LRMDA: variants seen among roughly 807,000 people sequenced by gnomAD.
LRMDA encodes leucine-rich melanocyte differentiation-associated protein.
A neutral mutation model predicts 29.8 loss-of-function variants in LRMDA; 18 were observed. The ratio of observed to expected loss-of-function variants is 0.60; its 90% CI spans 0.42 to 0.90. LRMDA has a LOEUF of 0.90. Ranked by LOEUF, LRMDA falls within the 40% of genes least tolerant of loss-of-function variation. The pLI, the probability that LRMDA is intolerant of heterozygous loss-of-function variation, is 0.00. For synonymous variants in LRMDA, 125 were observed against 109.4 expected (o/e 1.14, Z -0.89); for missense variants, 273 against 273.9 (o/e 1.00, Z 0.02).
chr10:75,679,384 G>A (rs920823753), intron 2 of LRMDA, among the ~76,000 whole-genome samples: 9 of 152,126 alleles, frequency 5.9e-5, no homozygotes, highest in African/African-American at 2.2e-4. Context: ...TTGAGGCTTA[G>A]AGAGTTTGAA....
chr10:76,373,662 GT>G (rs1024768094), intron 6 of LRMDA, among the ~76,000 whole-genome samples: 5 of 151,390 alleles, frequency 3.3e-5, no homozygotes, highest in Admixed American at 6.6e-5. Flanking sequence ...TTCCTAGACA[GT>G]TTTTTTTTAT....
chr10:75,689,240 C>T (rs1842117079), intron 2 of LRMDA, among the ~76,000 whole-genome samples: 1 of 152,350 alleles, frequency 6.6e-6, no homozygotes, highest in African/African-American at 2.4e-5. Context: ...CTTCCAACGG[C>T]ACATCGGATC....
chr10:75,649,354 G>T (rs1841568645), intron 2 of LRMDA, among the ~76,000 whole-genome samples: 1 of 152,180 alleles, frequency 6.6e-6, no homozygotes, highest in Non-Finnish European at 1.5e-5. Context: ...CTATCCATCA[G>T]TGAACAGTTG....
intron 2 of LRMDA, among the ~76,000 whole-genome samples, chr10:75,797,093 G>A (rs1196518403): frequency 6.6e-6 from 1 of 151,968 alleles, no homozygotes; most frequent in Non-Finnish European, 1.5e-5. Context: ...AACCCTTTGG[G>A]CCTGTCAGTT....
intron 5 of LRMDA, among the ~76,000 whole-genome samples, chr10:76,244,197 G>T (rs1852331260): frequency 6.6e-6 from 1 of 152,146 alleles, no homozygotes; most frequent in Admixed American, 6.6e-5. Flanking sequence ...ATCTGTAAAA[G>T]TTGGGTTATT....
chr10:76,168,750 A>G (rs1045048374), intron 5 of LRMDA, among the ~76,000 whole-genome samples: 2 of 152,196 alleles, frequency 1.3e-5, no homozygotes, highest in Non-Finnish European at 2.9e-5. Context: ...TTTACTAAAA[A>G]CAATTGGTAA....
chr10:75,589,767 T>TAC (rs1554814525), intron 2 of LRMDA, among the ~76,000 whole-genome samples: 2 of 66,350 alleles, frequency 3.0e-5, no homozygotes, highest in East Asian at 4.8e-4. Flanking sequence ...CTAAAAAAAA[T>TAC]ATATATATAT....
intron 2 of LRMDA, among the ~76,000 whole-genome samples, chr10:76,022,456 C>T (rs555335471): frequency 3.3e-5 from 5 of 152,322 alleles, no homozygotes; most frequent in African/African-American, 4.8e-5. Flanking sequence ...TCACAAGCAA[C>T]GTGTTATTCT....
chr10:75,857,068 C>T (rs1411762882), intron 2 of LRMDA, among the ~76,000 whole-genome samples: 1 of 152,162 alleles, frequency 6.6e-6, no homozygotes, highest in Non-Finnish European at 1.5e-5. Context: ...TAAACTTACT[C>T]CCTGGCATGT....
intron 6 of LRMDA, among the ~76,000 whole-genome samples, chr10:76,334,901 G>A (rs1281638215): frequency 6.6e-6 from 1 of 152,200 alleles, no homozygotes; most frequent in African/African-American, 2.4e-5. Flanking sequence ...GAATCCTACA[G>A]TCTAATTGGA....
chr10:76,501,412 T>G (rs1842908034), intron 6 of LRMDA, among the ~76,000 whole-genome samples: 1 of 152,004 alleles, frequency 6.6e-6, no homozygotes, highest in African/African-American at 2.4e-5. Flanking sequence ...ACTGGTTGAA[T>G]GGTAGCTCCG....
intron 6 of LRMDA, among the ~76,000 whole-genome samples, chr10:76,380,116 T>C (rs1841571647): frequency 6.6e-6 from 1 of 152,170 alleles, no homozygotes; most frequent in Admixed American, 6.5e-5. Context: ...TTGAGACTTG[T>C]TTTATGGCCT....
chr10:75,751,261 G>A (rs758738440), intron 2 of LRMDA, among the ~76,000 whole-genome samples: 4 of 152,086 alleles, frequency 2.6e-5, no homozygotes, highest in African/African-American at 7.2e-5. Flanking sequence ...CCGAGATGGC[G>A]GCAGCACAGT....
At chr10:75,659,945 A>G (rs1841729384) in intron 2 of LRMDA, among the ~76,000 whole-genome samples, 2 of 152,234 alleles carry the variant, frequency 1.3e-5, no homozygotes, top group Admixed American at 6.5e-5. Context: ...TGAGATGCAT[A>G]TACCTTACTC....
At chr10:75,667,571 G>A (rs996114974) in intron 2 of LRMDA, among the ~76,000 whole-genome samples, 3 of 152,176 alleles carry the variant, frequency 2.0e-5, no homozygotes, top group African/African-American at 7.2e-5. Context: ...AAAGTGCTGG[G>A]ATTACAGGCA....
intron 6 of LRMDA, among the ~76,000 whole-genome samples, chr10:76,548,266 T>C (rs1278179948): frequency 6.6e-6 from 1 of 152,172 alleles, no homozygotes; most frequent in Admixed American, 6.5e-5. Context: ...TTAAATTCTT[T>C]CTCAGCTTGA....
At chr10:76,276,839 C>T (rs1042321291) in intron 5 of LRMDA, among the ~76,000 whole-genome samples, 8 of 152,042 alleles carry the variant, frequency 5.3e-5, no homozygotes, top group Non-Finnish European at 1.0e-4. Context: ...TCTGTCTTGC[C>T]TTTCGTGGGT....
In LRMDA at chr10:75,760,591, C is replaced by A. The variant is rs982690986; in HGVS notation, c.132-275417C>A. Among the ~76,000 whole-genome samples, 16 of 152,256 alleles carry A rather than the reference C, an allele frequency of 1.1e-4. No individual in the cohort carries two copies. In the South Asian group the frequency reaches 1.5e-3, roughly 14 times the overall value. ...CAGGGCCTTCCATCACCACCACCACCCTCCCCTGCCCCTGTCCCCATATTT... is the reference window on the plus strand; with the variant it reads ...CAGGGCCTTCCATCACCACCACCACACTCCCCTGCCCCTGTCCCCATATTT... On this transcript the variant is annotated intron_variant, in intron 2 of 6. Coordinates refer to ENST00000611255, the MANE Select transcript of LRMDA (RefSeq NM_001305581.2).
intron 5 of LRMDA, among the ~76,000 whole-genome samples, chr10:76,112,029 G>A (rs1400413375): frequency 6.6e-6 from 1 of 152,200 alleles, no homozygotes; most frequent in Non-Finnish European, 1.5e-5. Flanking sequence ...ATTATGGGAG[G>A]TCAAGTGACT....
Sources: gnomAD v4.1 joint callset for allele counts (sites outside exome capture counted in the v4.1 genomes callset) on GRCh38, gnomAD v4.1.1 for gene constraint, MANE v1.5 for transcripts, NCBI Gene and HGNC (gene_info 2026-07-23, HGNC 2026-07-21) for gene names.